The following SOHLH2 variants were observed in gnomAD, a reference collection of about 807,000 sequenced individuals.
The protein encoded by SOHLH2 is spermatogenesis and oogenesis specific basic helix-loop-helix 2.
SOHLH2 carries 22 observed loss-of-function variants against 50.4 expected under a neutral mutation model. The observed-to-expected ratio is 0.44, with a 90% CI of 0.31 to 0.62. The LOEUF (loss-of-function observed/expected upper bound fraction) is 0.62. Among genes scored for constraint, SOHLH2 ranks in the 20% least tolerant of loss-of-function variants. The pLI is 0.08. For missense variants in SOHLH2, 412 were observed against 504.4 expected, an observed-to-expected ratio of 0.82 and a Z score of 1.76; for synonymous variants, 185 against 187.3, an observed-to-expected ratio of 0.99 and a Z score of 0.10.
intron 6 of SOHLH2, among the ~76,000 whole-genome samples, chr13:36,183,700 A>G (rs756538922): frequency 6.6e-6 from 1 of 152,138 alleles, no homozygotes; most frequent in Non-Finnish European, 1.5e-5. Flanking sequence ...TACAAGGGAC[A>G]CTCTTTAAAT....
intron 2 of SOHLH2, among the ~76,000 whole-genome samples, chr13:36,196,906 T>A (rs1202300054): frequency 6.6e-6 from 1 of 152,164 alleles, no homozygotes; most frequent in Non-Finnish European, 1.5e-5. Context: ...GTTCCCAGAA[T>A]CCAATACTCT....
intron 1 of SOHLH2, among the ~76,000 whole-genome samples, chr13:36,205,367 A>T (rs1245665188): frequency 6.6e-6 from 1 of 152,116 alleles, no homozygotes; most frequent in Admixed American, 6.5e-5. Flanking sequence ...ATTTCAAATC[A>T]TTTTACTACT....
intron 6 of SOHLH2, among the ~76,000 whole-genome samples, chr13:36,176,199 A>T (rs1456476499): frequency 6.6e-6 from 1 of 152,188 alleles, no homozygotes; most frequent in Non-Finnish European, 1.5e-5. Flanking sequence ...CCTAGGAAAA[A>T]AGACTGAAGG....
chr13:36,184,460 C>CTTTTTTTTT lies in SOHLH2; in HGVS notation c.641+5477_641+5485dup, dbSNP rs1229884029. On this transcript the variant is annotated intron_variant, in intron 6 of 10. Coordinates refer to ENST00000379881, the MANE Select transcript of SOHLH2 (RefSeq NM_017826.3). ...GATGGAAGTTTCTACCTACAAAGAC[C>CTTTTTTTTT]TTTTTTTTTTTTTTTTTTTGAGACG... Among the ~76,000 whole-genome samples the CTTTTTTTTT allele has an allele frequency of 3.1e-4, 38 of 121,156 alleles. 3 individuals carry two copies. Among genetic ancestry groups the CTTTTTTTTT allele is most frequent in the African/African-American group, 4.6e-4 (15 of 32,352 alleles). 79.5% of individuals were successfully genotyped at this position (121,156 alleles called of 152,430 possible).
At chr13:36,184,447 T>C (rs1024272860) in intron 6 of SOHLH2, among the ~76,000 whole-genome samples, 1 of 150,516 alleles carries the variant, frequency 6.6e-6, no homozygotes, top group African/African-American at 2.4e-5. Context: ...TGGAAGTTTC[T>C]ACCTACAAAG....
intron 9 of SOHLH2, among the ~76,000 whole-genome samples, chr13:36,171,637 C>T (rs1363559044): frequency 6.6e-6 from 1 of 152,188 alleles, no homozygotes; most frequent in African/African-American, 2.4e-5. Context: ...ACCCATTATA[C>T]TCTTCCAGGA....
At chr13:36,214,231 C>G (rs114343513) in intron 1 of SOHLH2, among the ~76,000 whole-genome samples, 1 of 152,158 alleles carries the variant, frequency 6.6e-6, no homozygotes, top group Non-Finnish European at 1.5e-5. Context: ...CGTCCCCCAA[C>G]CTCAGGCCCC....
At chr13:36,175,542 C>A (rs1425156728) in intron 6 of SOHLH2, among the ~76,000 whole-genome samples, 2 of 152,076 alleles carry the variant, frequency 1.3e-5, no homozygotes, top group Non-Finnish European at 2.9e-5. Context: ...CTGACTTAAG[C>A]CCTTGGTGGC....
In SOHLH2 at chr13:36,168,922, T is replaced by G. The variant is rs1886889789; in HGVS notation, c.*112A>C. ...AGAAGCCAAACCATGCCAACTCTTTTGATATTAGGTCTTTGGGTGGAGCTT... is the reference window on the plus strand; with the variant it reads ...AGAAGCCAAACCATGCCAACTCTTTGGATATTAGGTCTTTGGGTGGAGCTT... On this transcript the variant is annotated 3_prime_UTR_variant, in exon 11 of 11. Transcript: ENST00000379881. 1.7e-5 allele frequency: 25 copies of G among 1,472,852 alleles called. No individual in the cohort carries two copies. The highest frequency in any genetic ancestry group is 2.1e-5 in the Non-Finnish European group (23 of 1,110,364). 91.2% of individuals were successfully genotyped at this position (1,472,852 alleles called of 1,614,324 possible).
At chr13:36,203,774 T>C (rs1378703539) in intron 1 of SOHLH2, among the ~76,000 whole-genome samples, 1 of 152,120 alleles carries the variant, frequency 6.6e-6, no homozygotes, top group Non-Finnish European at 1.5e-5. Flanking sequence ...CTTTTCATTT[T>C]AGTGGCAATT....
chr13:36,192,914 A>G (rs1319182247), intron 4 of SOHLH2, among the ~76,000 whole-genome samples: 1 of 152,160 alleles, frequency 6.6e-6, no homozygotes, highest in Non-Finnish European at 1.5e-5. Flanking sequence ...GTACCCCTTG[A>G]CCAACAATAG....
chr13:36,190,148 C>T (rs547589071), intron 5 of SOHLH2, 92 bp from the exon 6 acceptor site: 1 of 1,145,416 alleles, frequency 8.7e-7, no homozygotes, highest in African/African-American at 1.6e-5. Flanking sequence ...ACAAAGGATG[C>T]TTCTCTAAGT....
rs1427008694 is a variant in SOHLH2, at chr13:36,170,606, G to T, written c.1182C>A (p.Pro394=). 3.1e-6 allele frequency: 5 copies of T among 1,614,158 alleles called. No homozygotes were observed. Among genetic ancestry groups the T allele is most frequent in the African/African-American group, 1.3e-5 (1 of 75,050 alleles). The change falls in exon 10 of 11, where the codon CCC becomes CCA. Residue 394 remains proline, a synonymous_variant. Coordinates refer to ENST00000379881, the MANE Select transcript of SOHLH2 (RefSeq NM_017826.3). The stretch of plus-strand genomic sequence containing the variant: ...GCCGAGGGAGAAGCTTTGAGACCGG[G>T]GGCATGGCTGAAGGTAAATGAATTG... ...NISIHLPSAM[P]PVSKLLPRHC... is the part of the protein sequence containing the mutation.
chr13:36,182,200 G>A, intron 6 of SOHLH2: 1 of 985,308 alleles, frequency 1.0e-6, no homozygotes. Context: ...GGTAATACAG[G>A]GAAATTCATG....
At chr13:36,212,427 A>G (rs969963858) in intron 1 of SOHLH2, among the ~76,000 whole-genome samples, 5 of 152,256 alleles carry the variant, frequency 3.3e-5, no homozygotes, top group African/African-American at 1.2e-4. Flanking sequence ...GTTTATAATC[A>G]ACATAAATCT....
At chr13:36,193,567 A>G in intron 4 of SOHLH2, 54 bp downstream of exon 4, 1 of 1,533,350 alleles carries the variant, frequency 6.5e-7, no homozygotes, top group Non-Finnish European at 8.8e-7. Context: ...ATATGAGCAG[A>G]GTTTTCAAAG....
intron 6 of SOHLH2, among the ~76,000 whole-genome samples, chr13:36,181,595 T>C (rs940055498): frequency 3.7e-4 from 56 of 152,222 alleles, no homozygotes; most frequent in African/African-American, 1.3e-3. Flanking sequence ...GCAGAAGTTA[T>C]GCAAGTGCAT....
At chr13:36,209,680 G>A (rs1328656) in intron 1 of SOHLH2, among the ~76,000 whole-genome samples, 95,682 of 152,072 alleles carry the variant, frequency 0.63, 30,211 homozygotes, top group East Asian at 0.78. Context: ...ATATGAATTC[G>A]GTAGAGGGCA....
chr13:36,204,134 A>G (rs1195207422), intron 1 of SOHLH2, among the ~76,000 whole-genome samples: 1 of 151,540 alleles, frequency 6.6e-6, no homozygotes, highest in East Asian at 1.9e-4. Flanking sequence ...TATTTTTAGT[A>G]GAGATGAGGT....
Sources: gnomAD v4.1 joint callset for allele counts (sites outside exome capture counted in the v4.1 genomes callset) on GRCh38, gnomAD v4.1.1 for gene constraint, MANE v1.5 for transcripts, NCBI Gene and HGNC (gene_info 2026-07-23, HGNC 2026-07-21) for gene names.